DACH2: variants seen among roughly 807,000 people sequenced by gnomAD.
DACH2 encodes dachshund family transcription factor 2.
Under a neutral mutation model 35.8 loss-of-function variants are expected in DACH2, and 17 were observed. That is an observed-to-expected ratio of 0.48 (90% CI 0.33 to 0.71). DACH2 has a LOEUF of 0.71. Among genes scored for constraint, DACH2 ranks in the 30% least tolerant of loss-of-function variants. The pLI, the probability that DACH2 is intolerant of heterozygous loss-of-function variation, is 0.02. For synonymous variants in DACH2, 195 were observed against 177.3 expected (o/e 1.10, Z -0.79); for missense variants, 469 against 472.7 (o/e 0.99, Z 0.07).
At chrX:86,385,599 T>C (rs1308345640) in intron 2 of DACH2, among the ~76,000 whole-genome samples, 1 of 111,573 alleles carries the variant, frequency 9.0e-6, no homozygotes, top group East Asian at 2.8e-4. Context: ...CTATGTCATT[T>C]TACATAAGGG....
In DACH2 at chrX:86,338,044, G is replaced by A. The variant is rs150085082; in HGVS notation, c.489-38780G>A. ...TCCTAAATATATATGCACCCAATAC[G>A]GGAGCACTCAAATTCATAAAGCAAG... On this transcript the variant is annotated intron_variant, in intron 1 of 11. Coordinates refer to ENST00000373125, the MANE Select transcript of DACH2 (RefSeq NM_053281.3). Among the ~76,000 whole-genome samples, 1,031 of 111,578 alleles carry A rather than the reference G, an allele frequency of 9.2e-3. 10 individuals carry two copies. Among genetic ancestry groups the A allele is most frequent in the African/African-American group, 0.032 (976 of 30,754 alleles).
chrX:86,814,261 A>G (rs1229328358), intron 9 of DACH2, among the ~76,000 whole-genome samples: 1 of 112,178 alleles, frequency 8.9e-6, no homozygotes, highest in Non-Finnish European at 1.9e-5. Context: ...CCTAATAGAT[A>G]TTTTCAGGAT....
chrX:86,403,080 T>A (rs1384563587), intron 2 of DACH2, among the ~76,000 whole-genome samples: 1 of 112,125 alleles, frequency 8.9e-6, no homozygotes, highest in Non-Finnish European at 1.9e-5. Context: ...TATTAAAAAA[T>A]TCTAGAAGAA....
At chrX:86,208,851 T>C (rs2032377997) in intron 1 of DACH2, among the ~76,000 whole-genome samples, 1 of 111,846 alleles carries the variant, frequency 8.9e-6, no homozygotes, top group Non-Finnish European at 1.9e-5. Context: ...TTCCTGCTTT[T>C]AGGGGGCTCA....
At chrX:86,761,512 A>G (rs887502677) in intron 7 of DACH2, among the ~76,000 whole-genome samples, 1 of 111,690 alleles carries the variant, frequency 9.0e-6, no homozygotes, top group African/African-American at 3.3e-5. Context: ...ATCTAGAACC[A>G]GAGATACCAT....
intron 1 of DACH2, among the ~76,000 whole-genome samples, chrX:86,251,890 AC>A (rs1282970723): frequency 9.0e-6 from 1 of 111,506 alleles, no homozygotes; most frequent in Non-Finnish European, 1.9e-5. Flanking sequence ...TGGTAGTTCT[AC>A]TTTTAGTTCT....
At chrX:86,257,194 T>G (rs1046653505) in intron 1 of DACH2, among the ~76,000 whole-genome samples, 2 of 111,930 alleles carry the variant, frequency 1.8e-5, no homozygotes, top group African/African-American at 6.5e-5. Flanking sequence ...TTTTTAGGTG[T>G]TGTTAGTATC....
chrX:86,214,135 G>C (rs962801249), intron 1 of DACH2, among the ~76,000 whole-genome samples: 1 of 110,031 alleles, frequency 9.1e-6, no homozygotes, highest in African/African-American at 3.3e-5. Flanking sequence ...ATAATGCTTT[G>C]ATAGCCTTCT....
intron 1 of DACH2, among the ~76,000 whole-genome samples, chrX:86,185,213 T>A (rs964170116): frequency 8.9e-6 from 1 of 111,946 alleles, no homozygotes; most frequent in Admixed American, 9.6e-5. Flanking sequence ...TTGAAAAACC[T>A]AAGGTTATCA....
rs750106297 is a variant in DACH2 at position 86,807,451 on chromosome X, C to A, written c.1241-5405C>A. Among the ~76,000 whole-genome samples, 3 of 111,685 alleles carry A rather than the reference C, an allele frequency of 2.7e-5. No individual in the cohort carries two copies. The South Asian group carries it at 1.1e-3, about 42-fold the overall frequency. On this transcript the variant is annotated intron_variant, in intron 7 of 11. Coordinates refer to ENST00000373125, the MANE Select transcript of DACH2 (RefSeq NM_053281.3). ...AAGGTTAAGCAACTTTCCCAGGGTT[C>A]TACAAATCATAGAGCAGGGATTCAA...
intron 2 of DACH2, among the ~76,000 whole-genome samples, chrX:86,474,711 A>G (rs1434952885): frequency 9.0e-6 from 1 of 110,818 alleles, no homozygotes; most frequent in East Asian, 2.8e-4. Flanking sequence ...CTATTGATCT[A>G]TGTTCTGTTT....
chrX:86,775,590 G>T (rs971415413), intron 7 of DACH2, among the ~76,000 whole-genome samples: 15 of 111,609 alleles, frequency 1.3e-4, no homozygotes, highest in African/African-American at 4.5e-4. Flanking sequence ...TTGCCAAAAA[G>T]GTTGGGGACT....
chrX:86,411,631 A>G (rs770904005), intron 2 of DACH2, among the ~76,000 whole-genome samples: 97 of 112,031 alleles, frequency 8.7e-4, no homozygotes, highest in Non-Finnish European at 1.6e-3. Context: ...AAGTCAATAA[A>G]TCTTATGTCA....
intron 3 of DACH2, among the ~76,000 whole-genome samples, chrX:86,544,027 G>A (rs1303358228): frequency 2.7e-5 from 3 of 110,874 alleles, no homozygotes; most frequent in Non-Finnish European, 5.7e-5. Context: ...TAGCAGAATG[G>A]ACCAAGCTGA....
chrX:86,475,512 T>C (rs974857295), intron 2 of DACH2, among the ~76,000 whole-genome samples: 3 of 112,314 alleles, frequency 2.7e-5, no homozygotes, highest in East Asian at 2.8e-4. Flanking sequence ...ATAGAAATGC[T>C]ACTGATTTTC....
At chrX:86,512,454 T>A (rs1306706179) in intron 2 of DACH2, among the ~76,000 whole-genome samples, 4 of 111,717 alleles carry the variant, frequency 3.6e-5, no homozygotes, top group Non-Finnish European at 5.6e-5. Context: ...TTAAACCTTA[T>A]GGCTTTCAAA....
At chrX:86,449,881 C>T (rs1051967369) in intron 2 of DACH2, among the ~76,000 whole-genome samples, 1 of 111,329 alleles carries the variant, frequency 9.0e-6, no homozygotes, top group Admixed American at 9.6e-5. Context: ...ACAGTTTCGT[C>T]TTTTTACTTA....
At chrX:86,760,357 T>A (rs756259548) in intron 7 of DACH2, among the ~76,000 whole-genome samples, 1 of 112,236 alleles carries the variant, frequency 8.9e-6, no homozygotes, top group East Asian at 2.8e-4. Flanking sequence ...CATTTTATCA[T>A]TTCCCATATG....
At chrX:86,314,584 A>C (rs1373695230) in intron 1 of DACH2, among the ~76,000 whole-genome samples, 1 of 111,794 alleles carries the variant, frequency 8.9e-6, no homozygotes, top group Non-Finnish European at 1.9e-5. Context: ...GATAGGCAAA[A>C]ATCTAGGCCT....
Sources: gnomAD v4.1 joint callset for allele counts (sites outside exome capture counted in the v4.1 genomes callset) on GRCh38, gnomAD v4.1.1 for gene constraint, MANE v1.5 for transcripts, NCBI Gene and HGNC (gene_info 2026-07-23, HGNC 2026-07-21) for gene names.